The following LAMC3 variants were observed in gnomAD, a reference collection of about 807,000 sequenced individuals.
LAMC3 encodes laminin subunit gamma-3.
A neutral mutation model predicts 173.8 loss-of-function variants in LAMC3; 128 were observed. The ratio of observed to expected loss-of-function variants is 0.74; its 90% CI spans 0.64 to 0.85. LAMC3 has a LOEUF of 0.85. Ranked by LOEUF, LAMC3 falls within the 40% of genes least tolerant of loss-of-function variation. The pLI is 0.00. For synonymous variants in LAMC3, 897 were observed against 909.1 expected (o/e 0.99, Z 0.24); for missense variants, 2,022 against 2,156.0 (o/e 0.94, Z 1.23).
intron 22 of LAMC3, among the ~76,000 whole-genome samples, chr9:131,078,744 C>T (rs910425706): frequency 6.6e-6 from 1 of 152,224 alleles, no homozygotes; most frequent in Non-Finnish European, 1.5e-5. Flanking sequence ...ATCCAGCCCC[C>T]AGATCTCAGT....
At chr9:131,054,503 C>A (rs979372713) in intron 11 of LAMC3, among the ~76,000 whole-genome samples, 3 of 152,170 alleles carry the variant, frequency 2.0e-5, no homozygotes, top group Non-Finnish European at 4.4e-5. Context: ...CCTGTAATCC[C>A]AGCTCTTTGG....
intron 1 of LAMC3, among the ~76,000 whole-genome samples, chr9:131,016,697 G>A (rs919366722): frequency 3.9e-5 from 6 of 152,168 alleles, no homozygotes; most frequent in South Asian, 4.1e-4. Context: ...CACAGGGAGC[G>A]CTTAAGTCAA....
At chr9:131,031,848 C>A (rs1184274923) in intron 2 of LAMC3, among the ~76,000 whole-genome samples, 197 bp from the exon 3 acceptor site, 20 of 152,168 alleles carry the variant, frequency 1.3e-4, no homozygotes, top group Non-Finnish European at 1.9e-4. Flanking sequence ...TAATCAGTAG[C>A]CTAGCACCCA....
rs1479148607 is a variant in LAMC3, at chr9:131,085,619, A to G, written c.4126A>G (p.Lys1376Glu). ...SDRLLADTRK[K>E]TKQAERMLGN... Reference sequence around the variant, plus strand: ...CAGACTCCTTGCAGACACGAGAAAGAAGACCAAGCAGGCGGAGAGGATGCT... The same window carrying G: ...CAGACTCCTTGCAGACACGAGAAAGGAGACCAAGCAGGCGGAGAGGATGCT... The change falls in exon 25 of 28, where the codon AAG (lysine) becomes GAG (glutamate). Residue 1376 changes from lysine (K) to glutamate (E), a missense_variant. By Grantham distance (56) the Lys-to-Glu change is moderately conservative. Transcript: ENST00000361069. The G allele has an allele frequency of 6.2e-7, 1 of 1,614,164 alleles. No homozygotes were observed.
intron 1 of LAMC3, among the ~76,000 whole-genome samples, chr9:131,024,393 G>A (rs1366419328): frequency 1.2e-4 from 19 of 152,040 alleles, no homozygotes; most frequent in Admixed American, 3.3e-4. Flanking sequence ...TGATCCACCC[G>A]CTTCGGCCTC....
chr9:131,059,490 CAAAAAAAAAAAAAAAAAAAA>C (rs58064050), intron 12 of LAMC3, among the ~76,000 whole-genome samples: 2 of 64,370 alleles, frequency 3.1e-5, no homozygotes. Context: ...GACTCCGTCT[CAAAAAAAAAAAAAAAAAAAA>C]AAAAAAAAAG....
intron 14 of LAMC3, 101 bp from the exon 15 acceptor site, chr9:131,067,977 T>C (rs1829968823): frequency 7.8e-7 from 1 of 1,279,094 alleles, no homozygotes; most frequent in Non-Finnish European, 1.1e-6. Flanking sequence ...TGCCGTATCA[T>C]CTCTGGAGGC....
intron 13 of LAMC3, among the ~76,000 whole-genome samples, chr9:131,063,419 A>G (rs1250007749): frequency 6.6e-6 from 1 of 152,152 alleles, no homozygotes; most frequent in Admixed American, 6.6e-5. Context: ...ATTTCAGGGG[A>G]GCAGGCAGTG....
At chr9:131,044,247 C>T (rs933218431) in intron 7 of LAMC3, among the ~76,000 whole-genome samples, 1 of 151,530 alleles carries the variant, frequency 6.6e-6, no homozygotes, top group Non-Finnish European at 1.5e-5. Flanking sequence ...CGCGGTGGCT[C>T]ATGCCTGTAA....
At chr9:131,073,980 T>C (rs1271929724) in intron 20 of LAMC3, among the ~76,000 whole-genome samples, 2 of 140,618 alleles carry the variant, frequency 1.4e-5, no homozygotes, top group African/African-American at 2.6e-5. Context: ...GGAGTCTCGC[T>C]CTGTCCCCCA....
intron 12 of LAMC3, among the ~76,000 whole-genome samples, chr9:131,057,921 A>T (rs895264897): frequency 2.6e-5 from 4 of 152,140 alleles, no homozygotes; most frequent in Admixed American, 6.5e-5. Context: ...TCTCTACACT[A>T]TATCATTGAC....
chr9:131,063,281 T>C (rs1299191564), intron 13 of LAMC3, among the ~76,000 whole-genome samples: 1 of 152,186 alleles, frequency 6.6e-6, no homozygotes, highest in Non-Finnish European at 1.5e-5. Context: ...ATTCTCGTTA[T>C]CTCCCTTACA....
rs143849259 is a variant in LAMC3, at chr9:131,041,684, G to A, written c.1331G>A (p.Arg444His). ...GGCAGCCTGGACACCTGTGACCCCC[G>A]CAGTGGGCGCTGCCCCTGCAAAGAG... ...PAGSLDTCDP[R>H]SGRCPCKENV... is the part of the protein sequence containing the mutation. The change falls in exon 7 of 28, where the codon CGC (arginine) becomes CAC (histidine). Residue 444 changes from arginine to histidine, a missense_variant. By Grantham distance (29) the Arg-to-His change is conservative. Transcript: ENST00000361069. 22 of 1,614,056 alleles carry A rather than the reference G, an allele frequency of 1.4e-5. No individual in the cohort carries two copies. Among genetic ancestry groups the A allele is most frequent in the East Asian group, 8.9e-5 (4 of 44,878 alleles).
chr9:131,083,065 A>G (rs1248122436), intron 24 of LAMC3, among the ~76,000 whole-genome samples: 1 of 152,182 alleles, frequency 6.6e-6, no homozygotes, highest in Non-Finnish European at 1.5e-5. Flanking sequence ...CTAGAGTCAT[A>G]TTTAGAAAAA....
chr9:131,081,922 G>A, intron 23 of LAMC3, 137 bp from the exon 24 acceptor site: 1 of 693,690 alleles, frequency 1.4e-6, no homozygotes, highest in Non-Finnish European at 2.6e-6. Context: ...AGGTGCTCCT[G>A]GTGGACAGCG....
At chr9:131,073,443 T>TG (rs1233898926) in intron 20 of LAMC3, 122 bp downstream of exon 20, 8 of 759,860 alleles carry the variant, frequency 1.1e-5, no homozygotes, top group African/African-American at 8.6e-5. Flanking sequence ...AGCTGTCTGA[T>TG]GGAGGCAGTG....
chr9:131,036,596 A>C (rs1833949523), intron 4 of LAMC3, among the ~76,000 whole-genome samples: 1 of 152,070 alleles, frequency 6.6e-6, no homozygotes, highest in Non-Finnish European at 1.5e-5. Context: ...GGAGGGCCGG[A>C]AGGTCCCCGA....
chr9:131,078,793 G>C (rs895217369), intron 22 of LAMC3, among the ~76,000 whole-genome samples: 1 of 152,252 alleles, frequency 6.6e-6, no homozygotes, highest in African/African-American at 2.4e-5. Flanking sequence ...CCACTTTGCA[G>C]TGGGGCAGTG....
chr9:131,011,784 A>G (rs952337971), intron 1 of LAMC3, among the ~76,000 whole-genome samples: 4 of 152,040 alleles, frequency 2.6e-5, no homozygotes, highest in African/African-American at 9.7e-5. Flanking sequence ...CTCCATGACA[A>G]AGGGTATCAC....
Sources: gnomAD v4.1 joint callset for allele counts (sites outside exome capture counted in the v4.1 genomes callset) on GRCh38, gnomAD v4.1.1 for gene constraint, MANE v1.5 for transcripts, NCBI Gene and HGNC (gene_info 2026-07-23, HGNC 2026-07-21) for gene names.